The following CNTNAP3B variants were observed in gnomAD, a reference collection of about 807,000 sequenced individuals.
The protein encoded by CNTNAP3B is contactin associated protein family member 3B, also known as contactin-associated protein-like 3B.
CNTNAP3B carries 25 observed loss-of-function variants against 108.9 expected under a neutral mutation model. That is an observed-to-expected ratio of 0.23 (90% confidence interval 0.17 to 0.32). The LOEUF is 0.32. Among genes scored for constraint, CNTNAP3B ranks in the 10% least tolerant of loss-of-function variants. The pLI, the probability that CNTNAP3B is intolerant of heterozygous loss-of-function variation, is 1.00. For missense variants in CNTNAP3B, 252 were observed against 1,210.4 expected, an observed-to-expected ratio of 0.21 and a Z score of 11.75; for synonymous variants, 103 against 473.4, an observed-to-expected ratio of 0.22 and a Z score of 10.16.
intron 3 of CNTNAP3B, among the ~76,000 whole-genome samples, chr9:42,024,559 G>A (rs1366547136): frequency 1.0e-5 from 1 of 100,064 alleles, no homozygotes; most frequent in African/African-American, 4.0e-5. Flanking sequence ...TCTATTTGCA[G>A]AATAATTTCA....
chr9:42,031,295 C>T lies in CNTNAP3B; in HGVS notation c.391-17770G>A, dbSNP rs1305653003. Among the ~76,000 whole-genome samples, 12 of 129,198 alleles carry T rather than the reference C, an allele frequency of 9.3e-5. 3 individuals are homozygous for T. Among genetic ancestry groups the T allele is most frequent in the African/African-American group, 2.6e-4 (8 of 31,362 alleles). The allele number at this position is 129,198 out of a possible 152,430, so 84.8% of individuals were successfully genotyped here. On this transcript the variant is annotated intron_variant, in intron 3 of 23. Transcript: ENST00000377561. ...CCCGTACTTTGCATTCTTTTCTCTACGAGAGTGTCCGTGGACACTGGATTA... is the reference window on the plus strand; with the variant it reads ...CCCGTACTTTGCATTCTTTTCTCTATGAGAGTGTCCGTGGACACTGGATTA...
intron 3 of CNTNAP3B, among the ~76,000 whole-genome samples, chr9:42,036,115 A>G (rs1296528698): frequency 2.7e-5 from 4 of 149,926 alleles, no homozygotes; most frequent in Non-Finnish European, 5.9e-5. Context: ...CTCAAAAAAC[A>G]AAACAAATGA....
At chr9:41,993,274 C>A in intron 7 of CNTNAP3B, 1 of 115,326 alleles carries the variant, frequency 8.7e-6, no homozygotes, top group African/African-American at 3.6e-5. Context: ...TTAAGAACCA[C>A]ACTGATCCAG....
At chr9:41,969,596 C>A (rs867396141) in intron 10 of CNTNAP3B, among the ~76,000 whole-genome samples, 1 of 152,058 alleles carries the variant, frequency 6.6e-6, no homozygotes, top group South Asian at 2.1e-4. Context: ...TTAAAAAATG[C>A]TATTTATTCC....
intron 1 of CNTNAP3B, among the ~76,000 whole-genome samples, chr9:42,126,587 A>T (rs1420009435): frequency 1.5e-5 from 2 of 133,240 alleles, no homozygotes; most frequent in African/African-American, 6.1e-5. Context: ...TTTGAGACGG[A>T]GTTTTGCGTT....
At chr9:41,962,084 T>C (rs1225133484) in intron 11 of CNTNAP3B, among the ~76,000 whole-genome samples, 103 of 152,190 alleles carry the variant, frequency 6.8e-4, no homozygotes, top group Non-Finnish European at 1.2e-3. Flanking sequence ...GCTTTTTAAA[T>C]GATAATGTAT....
intron 15 of CNTNAP3B, among the ~76,000 whole-genome samples, chr9:41,925,690 G>C (rs1188776753): frequency 3.7e-4 from 56 of 152,396 alleles, no homozygotes; most frequent in African/African-American, 1.3e-3. Flanking sequence ...CGTCACTCTT[G>C]AATTTGTATT....
chr9:42,075,836 CTTATTA>C (rs201491733), intron 3 of CNTNAP3B, among the ~76,000 whole-genome samples: 2,008 of 63,656 alleles, frequency 0.032, 92 homozygotes, highest in African/African-American at 0.096. Context: ...GTAATAAATA[CTTATTA>C]TTATTATTAT....
Position 41,935,199 on chromosome 9 carries a change from T to A in CNTNAP3B, c.2237+3045A>T, listed in dbSNP as rs1371096198. Among the ~76,000 whole-genome samples, 88 of 152,338 alleles carry A rather than the reference T, an allele frequency of 5.8e-4. No homozygotes were observed. The East Asian group carries it at 0.015, about 26-fold the overall frequency. On this transcript the variant is annotated intron_variant, in intron 14 of 23. Transcript: ENST00000377561. ...GGCATGTTATAGTTATTTGATAGAATATTCTTACTGTGCCTGAGGAACTGT... is the reference window on the plus strand; with the variant it reads ...GGCATGTTATAGTTATTTGATAGAAAATTCTTACTGTGCCTGAGGAACTGT...
chr9:41,969,358 A>T (rs1345088910), intron 10 of CNTNAP3B, among the ~76,000 whole-genome samples: 29 of 149,098 alleles, frequency 1.9e-4, no homozygotes, highest in Middle Eastern at 3.4e-3. Flanking sequence ...ATCCGTCTTT[A>T]TGATTCAAAC....
chr9:41,966,724 T>C (rs1257384726), intron 10 of CNTNAP3B, among the ~76,000 whole-genome samples: 4 of 152,196 alleles, frequency 2.6e-5, no homozygotes, highest in Admixed American at 2.0e-4. Flanking sequence ...TCCCAGAACT[T>C]TGGGAGGCTG....
At chr9:42,037,345 G>A (rs1165379212) in intron 3 of CNTNAP3B, among the ~76,000 whole-genome samples, 1 of 116,564 alleles carries the variant, frequency 8.6e-6, no homozygotes, top group African/African-American at 3.4e-5. Flanking sequence ...GCTAAAGGAG[G>A]ATGTTCGAAC....
At chr9:41,930,642 T>C (rs1823950149) in intron 14 of CNTNAP3B, among the ~76,000 whole-genome samples, 1 of 152,300 alleles carries the variant, frequency 6.6e-6, no homozygotes, top group Non-Finnish European at 1.5e-5. Flanking sequence ...GTAAAAAATA[T>C]ATTTTAGTCT....
intron 7 of CNTNAP3B, among the ~76,000 whole-genome samples, chr9:41,995,489 A>C (rs1214622406): frequency 2.2e-5 from 3 of 133,674 alleles, no homozygotes; most frequent in African/African-American, 6.1e-5. Context: ...TGGTCCTATC[A>C]CTTTGGGAGG....
At chr9:41,934,176 T>TATAC (rs1564148370) in intron 14 of CNTNAP3B, among the ~76,000 whole-genome samples, 4 of 106,100 alleles carry the variant, frequency 3.8e-5, no homozygotes, top group Non-Finnish European at 7.4e-5. Flanking sequence ...CACATATATA[T>TATAC]ACACACACAC....
rs1391331485 is a variant in CNTNAP3B, at chr9:41,929,341, C to T, written c.2341G>A (p.Gly781Arg). 6.5e-6 allele frequency: 10 copies of T among 1,543,496 alleles called. No homozygotes were observed. The South Asian group carries it at 1.2e-4, about 18-fold the overall frequency. ...QPHSEADYTL[G>R]PLLCRGDKSF... ...CTATCTCCGCGGCAGAGCAGTGGCC[C>T]CAGTGTATAATCTGCTTCGGAATGT... Residue 781 changes from glycine (G) to arginine (R), a missense_variant, in exon 15 of 24, where the codon GGG becomes AGG. Gly to Arg is a moderately radical substitution (Grantham distance 125). Coordinates refer to ENST00000377561, the MANE Select transcript of CNTNAP3B (RefSeq NM_001201380.3).
chr9:41,981,930 G>A (rs1825636507), intron 9 of CNTNAP3B, among the ~76,000 whole-genome samples: 1 of 52,230 alleles, frequency 1.9e-5, no homozygotes, highest in East Asian at 1.3e-3. Context: ...TTAGCTGAAT[G>A]TGGTGGCACG....
chr9:41,931,336 C>A (rs1823972192), intron 14 of CNTNAP3B, among the ~76,000 whole-genome samples: 1 of 152,140 alleles, frequency 6.6e-6, no homozygotes, highest in Non-Finnish European at 1.5e-5. Flanking sequence ...CATTACAATT[C>A]TCTTCTGGCT....
chr9:42,035,346 C>T (rs1826602141), intron 3 of CNTNAP3B, among the ~76,000 whole-genome samples: 1 of 146,462 alleles, frequency 6.8e-6, no homozygotes, highest in Non-Finnish European at 1.5e-5. Context: ...GATCAGATGC[C>T]ACCTTTCAAT....
Sources: allele counts gnomAD v4.1 joint callset (sites outside exome capture counted in the v4.1 genomes callset), GRCh38; gene constraint gnomAD v4.1.1; transcripts MANE v1.5; gene names NCBI Gene and HGNC (gene_info 2026-07-23, HGNC 2026-07-21).